ARB2A: variants seen among roughly 807,000 people sequenced by gnomAD.
ARB2A encodes the protein ARB2 cotranscriptional regulator A, also known as cotranscriptional regulator ARB2A.
the ARB2A span, among the ~76,000 whole-genome samples, chr5:94,050,357 C>T: frequency 2.7e-5 from 4 of 150,708 alleles, no homozygotes; most frequent in South Asian, 2.1e-4. Context: ...CAGGTTCAAG[C>T]GATTCTCCTG....
the ARB2A span, among the ~76,000 whole-genome samples, chr5:93,793,255 T>TTTTTTTC: frequency 7.2e-6 from 1 of 139,418 alleles, no homozygotes; most frequent in Admixed American, 7.4e-5. Flanking sequence ...TTTTTTTTTT[T>TTTTTTTC]TTTTTTTTGG....
At chr5:93,929,151 C>T in the ARB2A span, among the ~76,000 whole-genome samples, 1 of 152,082 alleles carries the variant, frequency 6.6e-6, no homozygotes, top group African/African-American at 2.4e-5. Flanking sequence ...CTCCCAAACA[C>T]TGTAAAATAA....
chr5:93,643,973 A>G, the ARB2A span, among the ~76,000 whole-genome samples: 3 of 152,248 alleles, frequency 2.0e-5, no homozygotes, highest in Non-Finnish European at 4.4e-5. Context: ...ATAATCTTTC[A>G]AAACAGGTAG....
At chr5:94,072,354 ACACT>A in the ARB2A span, among the ~76,000 whole-genome samples, 2 of 151,808 alleles carry the variant, frequency 1.3e-5, no homozygotes, top group Non-Finnish European at 2.9e-5. Context: ...AACTCCAAAC[ACACT>A]CACACACACA....
the ARB2A span, among the ~76,000 whole-genome samples, chr5:93,771,820 G>C: frequency 2.2e-4 from 33 of 152,214 alleles, no homozygotes; most frequent in Non-Finnish European, 4.0e-4. Flanking sequence ...GTGCTGGAGA[G>C]GATGTGGAGA....
chr5:93,773,623 A>G, the ARB2A span, among the ~76,000 whole-genome samples: 2 of 152,142 alleles, frequency 1.3e-5, no homozygotes, highest in African/African-American at 4.8e-5. Context: ...CACTTCACAG[A>G]TACTGATTTT....
At chr5:93,678,948 G>A in the ARB2A span, among the ~76,000 whole-genome samples, 4 of 152,008 alleles carry the variant, frequency 2.6e-5, no homozygotes, top group Admixed American at 1.3e-4. Flanking sequence ...AATTACCATC[G>A]GCAATGTTTT....
chr5:93,878,948 C>T, the ARB2A span, among the ~76,000 whole-genome samples: 12 of 152,054 alleles, frequency 7.9e-5, no homozygotes, highest in African/African-American at 1.2e-4. Flanking sequence ...AACATTTGTG[C>T]ATCAGTTTCC....
the ARB2A span, among the ~76,000 whole-genome samples, chr5:94,012,916 G>A: frequency 6.6e-6 from 1 of 152,148 alleles, no homozygotes; most frequent in Non-Finnish European, 1.5e-5. Context: ...GGGCTACGGG[G>A]TAGATGTTGG....
chr5:93,619,198 A>G, the ARB2A span: 1 of 152,226 alleles, frequency 6.6e-6, no homozygotes, highest in Non-Finnish European at 1.5e-5. Flanking sequence ...AAAAGGGTCA[A>G]TATCACAGAC....
At chr5:93,619,781 C>T in the ARB2A span, 1 of 152,152 alleles carries the variant, frequency 6.6e-6, no homozygotes, top group Non-Finnish European at 1.5e-5. Flanking sequence ...AATAATTGTT[C>T]AAACTGTAGG....
At chr5:93,860,661 C>T in the ARB2A span, 128,002 of 142,408 alleles carry the variant, frequency 0.9, 57,793 homozygotes, top group East Asian at 0.99. Flanking sequence ...TTTTTTTTTT[C>T]TTTTTTTGTT....
chr5:93,950,662 T>C, the ARB2A span, among the ~76,000 whole-genome samples: 1 of 149,340 alleles, frequency 6.7e-6, no homozygotes, highest in African/African-American at 2.5e-5. Flanking sequence ...ACAAATAAAA[T>C]AGGCCAGGCA....
At chr5:93,763,962 A>G in the ARB2A span, among the ~76,000 whole-genome samples, 1 of 152,164 alleles carries the variant, frequency 6.6e-6, no homozygotes, top group African/African-American at 2.4e-5. Flanking sequence ...GGTACATAAC[A>G]AAATGAAGGC....
At chr5:93,779,090 AGTGTGTGTGTGT>A in the ARB2A span, among the ~76,000 whole-genome samples, 149 of 143,448 alleles carry the variant, frequency 1.0e-3, no homozygotes, top group Middle Eastern at 7.1e-3. Context: ...GTCATTTCAG[AGTGTGTGTGTGT>A]GTGTGTGTGT....
chr5:93,829,058 T>A, the ARB2A span, among the ~76,000 whole-genome samples: 1 of 152,190 alleles, frequency 6.6e-6, no homozygotes, highest in Non-Finnish European at 1.5e-5. Flanking sequence ...ATTACAGGCA[T>A]GAGCCACTGC....
chr5:93,878,119 A>G, the ARB2A span, among the ~76,000 whole-genome samples: 1 of 152,154 alleles, frequency 6.6e-6, no homozygotes, highest in Non-Finnish European at 1.5e-5. Context: ...TTGAGTGGGA[A>G]GTCAACAATT....
chr5:93,813,567 GC>G, the ARB2A span, among the ~76,000 whole-genome samples: 1 of 152,172 alleles, frequency 6.6e-6, no homozygotes, highest in African/African-American at 2.4e-5. Context: ...AAGGAGATTA[GC>G]ATGGCGTGAA....
At chr5:94,104,836 T>C in the ARB2A span, among the ~76,000 whole-genome samples, 2 of 151,972 alleles carry the variant, frequency 1.3e-5, no homozygotes. Flanking sequence ...TTATACAAGG[T>C]TGGGTCAACA....
Sources: allele counts gnomAD v4.1 joint callset (sites outside exome capture counted in the v4.1 genomes callset), GRCh38; gene constraint gnomAD v4.1.1; transcripts MANE v1.5; gene names NCBI Gene and HGNC (gene_info 2026-07-23, HGNC 2026-07-21).